The following TAB2 variants were observed in gnomAD, a reference collection of about 807,000 sequenced individuals.
TAB2 encodes TGF-beta-activated kinase 1 and MAP3K7-binding protein 2.
In TAB2, 3 loss-of-function variants were observed where a neutral mutation model predicts 65.0. That is an observed-to-expected ratio of 0.05 (90% CI 0.02 to 0.12). TAB2 has a LOEUF of 0.12. Among genes scored for constraint, TAB2 ranks in the 10% least tolerant of loss-of-function variants. TAB2 has a pLI of 1.00. For synonymous variants in TAB2, 298 were observed against 285.1 expected, an observed-to-expected ratio of 1.05 and a Z score of -0.46; for missense variants, 623 against 840.3, an observed-to-expected ratio of 0.74 and a Z score of 3.20.
chr6:149,378,599 G>C lies in TAB2; in HGVS notation c.684G>C (p.Gln228His). 6.2e-7 allele frequency: 1 copy of C among 1,613,602 alleles called. No individual in the cohort carries two copies. The highest frequency in any genetic ancestry group is 8.5e-7 in the Non-Finnish European group (1 of 1,180,028). ...YITTPGGTTR[Q>H]TQQHSGWVSQ... Reference sequence around the variant, plus strand: ...CAACTCCTGGTGGTACAACTCGACAGACACAACAGCATTCTGGCTGGGTAT... The same window carrying C: ...CAACTCCTGGTGGTACAACTCGACACACACAACAGCATTCTGGCTGGGTAT... Residue 228 changes from glutamine to histidine, a missense_variant, in exon 3 of 7, where the codon CAG becomes CAC. Gln to His is a conservative substitution (Grantham distance 24). Around this residue, in one of 3 missense-constraint regions of TAB2, gnomAD observed 550 missense variants for 665.7 expected, o/e 0.83. Transcript: ENST00000637181.
At chr6:149,344,462 T>C (rs962721077) in intron 1 of TAB2, among the ~76,000 whole-genome samples, 3 of 152,154 alleles carry the variant, frequency 2.0e-5, no homozygotes, top group Non-Finnish European at 4.4e-5. Context: ...TAAATAGAAT[T>C]CTTTAGAGAA....
At chr6:149,237,252 A>AT (rs758345045) in intron 1 of TAB2, among the ~76,000 whole-genome samples, 104 of 152,264 alleles carry the variant, frequency 6.8e-4, no homozygotes, top group South Asian at 8.3e-4. Context: ...ACAGAAGTTC[A>AT]TTTTTTTCTT....
At chr6:149,251,033 C>T (rs1777848759) in intron 1 of TAB2, among the ~76,000 whole-genome samples, 1 of 152,172 alleles carries the variant, frequency 6.6e-6, no homozygotes, top group Admixed American at 6.5e-5. Flanking sequence ...AGGATTAATA[C>T]TCCCTCTTTC....
chr6:149,400,323 T>A, intron 6 of TAB2: 1 of 1,533,688 alleles, frequency 6.5e-7, no homozygotes, highest in South Asian at 1.2e-5. Flanking sequence ...CTGCTGCTCG[T>A]GTACTCGTTA....
At chr6:149,349,083 T>C (rs902432575) in intron 1 of TAB2, among the ~76,000 whole-genome samples, 3 of 152,048 alleles carry the variant, frequency 2.0e-5, no homozygotes, top group African/African-American at 7.2e-5. Context: ...TAAAGTTTGC[T>C]TATGGAAGGG....
At chr6:149,377,301 C>T (rs2114879675) in intron 2 of TAB2, among the ~76,000 whole-genome samples, 1 of 151,638 alleles carries the variant, frequency 6.6e-6, no homozygotes, top group African/African-American at 2.4e-5. Context: ...CCTCGTGATC[C>T]ACCCGCCTCG....
chr6:149,317,234 G>T (rs1351133584), upstream of TAB2, among the ~76,000 whole-genome samples: 1 of 151,684 alleles, frequency 6.6e-6, no homozygotes, highest in East Asian at 1.9e-4. This position sits in a 1 kb window ranked among gnomAD's most constrained non-coding sequence, Gnocchi z 4.7. Context: ...CCCCAAGGAT[G>T]GGGGGCCCAG....
intron 1 of TAB2, among the ~76,000 whole-genome samples, chr6:149,263,919 G>A (rs947404992): frequency 1.3e-5 from 2 of 152,218 alleles, no homozygotes; most frequent in African/African-American, 2.4e-5. Flanking sequence ...GGAAACTGGA[G>A]AGTCTGGCAG....
In TAB2 at chr6:149,369,939, T is replaced by C. The variant is rs1583131566; in HGVS notation, c.-59T>C. Reference sequence around the variant, plus strand: ...GCTTGGACAGAAGAGATGAGTACTATTTCCACTAAGGCCTAGAATTGCCTA... The same window carrying C: ...GCTTGGACAGAAGAGATGAGTACTACTTCCACTAAGGCCTAGAATTGCCTA... On this transcript the variant is annotated 5_prime_UTR_variant, in exon 2 of 7. Coordinates refer to ENST00000637181, the MANE Select transcript of TAB2 (RefSeq NM_001292034.3). The C allele has an allele frequency of 6.2e-6, 9 of 1,446,114 alleles. No homozygotes were observed. The East Asian group carries it at 2.0e-4, about 33-fold the overall frequency. 89.6% of individuals were successfully genotyped at this position (1,446,114 alleles called of 1,614,324 possible).
intron 1 of TAB2, among the ~76,000 whole-genome samples, chr6:149,280,866 AG>A (rs1476025074): frequency 6.6e-6 from 1 of 151,452 alleles, no homozygotes; most frequent in Non-Finnish European, 1.5e-5. Flanking sequence ...CAGGAGACCA[AG>A]GCTGCAGTGA....
At chr6:149,403,824 A>G (rs1261831532) in intron 6 of TAB2, among the ~76,000 whole-genome samples, 1 of 152,060 alleles carries the variant, frequency 6.6e-6, no homozygotes, top group Non-Finnish European at 1.5e-5. Context: ...AACTCAGAGC[A>G]ATATCTCACT....
chr6:149,391,605 T>C (rs1328252313), intron 3 of TAB2, among the ~76,000 whole-genome samples: 1 of 152,092 alleles, frequency 6.6e-6, no homozygotes, highest in Non-Finnish European at 1.5e-5. Context: ...ACAGTGGTGC[T>C]ATCTCAGCTG....
intron 1 of TAB2, among the ~76,000 whole-genome samples, chr6:149,354,707 G>C (rs1489247803): frequency 2.6e-5 from 4 of 152,130 alleles, no homozygotes; most frequent in Non-Finnish European, 5.9e-5. Context: ...AGAGAATACA[G>C]AACACTGTTC....
chr6:149,238,811 GC>G (rs1777545738), intron 1 of TAB2, among the ~76,000 whole-genome samples: 1 of 152,208 alleles, frequency 6.6e-6, no homozygotes, highest in Non-Finnish European at 1.5e-5. Flanking sequence ...GGCTATGTGA[GC>G]ACAGCCGGAT....
intron 3 of TAB2, among the ~76,000 whole-genome samples, chr6:149,383,702 C>T (rs1781695468): frequency 6.6e-6 from 1 of 152,218 alleles, no homozygotes; most frequent in African/African-American, 2.4e-5. Flanking sequence ...CCTGCCTCAG[C>T]CTCCCGGGTA....
At chr6:149,246,260 G>A (rs571646064) in intron 1 of TAB2, 1 of 152,328 alleles carries the variant, frequency 6.6e-6, no homozygotes, top group East Asian at 1.9e-4. Flanking sequence ...ACCTTCAAGG[G>A]AAATGGCTCC....
intron 1 of TAB2, among the ~76,000 whole-genome samples, chr6:149,368,492 C>CT (rs955688021): frequency 2.0e-5 from 3 of 152,112 alleles, no homozygotes; most frequent in African/African-American, 7.2e-5. Flanking sequence ...GAGAAATGAG[C>CT]TGATAGAGAG....
intron 1 of TAB2, among the ~76,000 whole-genome samples, chr6:149,259,259 T>C (rs1245519733): frequency 6.6e-6 from 1 of 151,780 alleles, no homozygotes; most frequent in Non-Finnish European, 1.5e-5. Flanking sequence ...TAGAAAGCCA[T>C]AAATGGCCCT....
At chr6:149,218,713 G>T (rs1444342755) in exon 1 of TAB2, 1 of 455,498 alleles carries the variant, frequency 2.2e-6, no homozygotes, top group Non-Finnish European at 4.4e-6. Flanking sequence ...CAATATGACT[G>T]CCTGGATGAA....
Sources: allele counts gnomAD v4.1 joint callset (sites outside exome capture counted in the v4.1 genomes callset), GRCh38; gene constraint gnomAD v4.1.1; regional missense constraint gnomAD v4.1.1; non-coding constraint Gnocchi (gnomAD v3.1); transcripts MANE v1.5; gene names NCBI Gene and HGNC (gene_info 2026-07-23, HGNC 2026-07-21).